The following IFI16 variants were observed in gnomAD, a reference collection of about 807,000 sequenced individuals.
IFI16 encodes interferon gamma inducible protein 16.
A neutral mutation model predicts 68.4 loss-of-function variants in IFI16; 49 were observed. The observed-to-expected ratio is 0.72, with a 90% confidence interval of 0.57 to 0.91. The LOEUF is 0.91. IFI16 is among the 40% of genes least tolerant of loss of function. The pLI is 0.00. For synonymous variants in IFI16, 307 were observed against 315.0 expected (o/e 0.97, Z 0.27); for missense variants, 878 against 942.9 (o/e 0.93, Z 0.90).
At chr1:159,019,658 ACTATGTTAG>A (rs1179197213) in intron 5 of IFI16, among the ~76,000 whole-genome samples, 16 of 150,928 alleles carry the variant, frequency 1.1e-4, no homozygotes, top group African/African-American at 3.7e-4. Flanking sequence ...ACGGGGTTTC[ACTATGTTAG>A]CCAGGATGGT....
chr1:159,006,814 A>G (rs1252952077), upstream of IFI16, among the ~76,000 whole-genome samples: 1 of 152,164 alleles, frequency 6.6e-6, no homozygotes, highest in Non-Finnish European at 1.5e-5. Flanking sequence ...CCTTGGTGCA[A>G]GTGCCAAAAA....
At chr1:159,041,903 C>T (rs1340473079) in intron 7 of IFI16, among the ~76,000 whole-genome samples, 1 of 152,156 alleles carries the variant, frequency 6.6e-6, no homozygotes, top group African/African-American at 2.4e-5. Flanking sequence ...ACTTCAAAGA[C>T]GTAAGTGAAT....
At chr1:159,018,740 C>G in intron 5 of IFI16, 89 bp downstream of exon 5, 1 of 924,562 alleles carries the variant, frequency 1.1e-6, no homozygotes. Flanking sequence ...TGCCTATAAA[C>G]TGGATATTAG....
intron 1 of IFI16, among the ~76,000 whole-genome samples, chr1:159,000,795 G>A (rs1652030598): frequency 6.6e-6 from 1 of 152,146 alleles, no homozygotes; most frequent in African/African-American, 2.4e-5. Context: ...GGGGCTTGAC[G>A]GGAAGTGCTT....
intron 6 of IFI16, among the ~76,000 whole-genome samples, chr1:159,027,004 G>A (rs931027962): frequency 2.0e-5 from 3 of 152,222 alleles, no homozygotes; most frequent in South Asian, 2.1e-4. Flanking sequence ...CCTCTTTGCC[G>A]ATTTGGATTT....
chr1:159,054,940 G>A lies in IFI16; in HGVS notation c.*39G>A, dbSNP rs1028541154. 4 of 1,183,646 alleles carry A rather than the reference G, an allele frequency of 3.4e-6. No individual in the cohort carries two copies. Among genetic ancestry groups the A allele is most frequent in the Admixed American group, 1.8e-5 (1 of 55,392 alleles). The allele number at this position is 1,183,646 out of a possible 1,614,324, so 73.3% of individuals were successfully genotyped here. A position where few individuals can be genotyped will look rare whatever the true frequency, so the allele number is the denominator to read the frequency against. On this transcript the variant is annotated 3_prime_UTR_variant, in exon 12 of 12. Transcript: ENST00000295809. The stretch of plus-strand genomic sequence containing the variant: ...TTGACGATAATGTTTATGGAGATAA[G>A]GTCTAAGTGCCTAAAAAAATGTACA...
intron 7 of IFI16, among the ~76,000 whole-genome samples, chr1:159,042,953 A>G (rs1361513608): frequency 6.6e-6 from 1 of 152,204 alleles, no homozygotes; most frequent in African/African-American, 2.4e-5. Context: ...TGGCAACTTG[A>G]GGGATAGGGA....
upstream of IFI16, among the ~76,000 whole-genome samples, chr1:159,003,897 T>TG (rs1652154673): frequency 6.6e-6 from 1 of 151,908 alleles, no homozygotes; most frequent in South Asian, 2.1e-4. Flanking sequence ...CCTGACCTTG[T>TG]GATCCGCCCG....
chr1:159,031,742 G>T (rs1654014945), intron 6 of IFI16, among the ~76,000 whole-genome samples: 1 of 152,070 alleles, frequency 6.6e-6, no homozygotes, highest in African/African-American at 2.4e-5. Flanking sequence ...GTGCCATTTT[G>T]AATATTCCAC....
At chr1:159,043,211 C>T (rs989226159) in intron 7 of IFI16, among the ~76,000 whole-genome samples, 6 of 152,228 alleles carry the variant, frequency 3.9e-5, no homozygotes, top group Non-Finnish European at 8.8e-5. Context: ...CTGTTGCCAT[C>T]TTGGGACTTA....
At chr1:159,001,518 T>A (rs1652060243), upstream of IFI16, among the ~76,000 whole-genome samples, 2 of 152,316 alleles carry the variant, frequency 1.3e-5, no homozygotes, top group South Asian at 4.1e-4. Flanking sequence ...TATAAAGTAT[T>A]TTAAGGGACA....
At chr1:159,024,975 G>A (rs527794767) in intron 6 of IFI16, among the ~76,000 whole-genome samples, 9 of 151,716 alleles carry the variant, frequency 5.9e-5, no homozygotes, top group Non-Finnish European at 1.0e-4. Context: ...ATAAAATAGG[G>A]TCCTTCCCAG....
chr1:159,048,303 T>C (rs1438768071), intron 8 of IFI16, among the ~76,000 whole-genome samples: 1 of 151,416 alleles, frequency 6.6e-6, no homozygotes, highest in African/African-American at 2.4e-5. Flanking sequence ...AATTTATTCT[T>C]TATAACACCA....
chr1:159,010,534 GA>G (rs1652483649), intron 1 of IFI16, among the ~76,000 whole-genome samples: 1 of 152,176 alleles, frequency 6.6e-6, no homozygotes, highest in East Asian at 1.9e-4. Context: ...ATAGTGACAT[GA>G]AAAAAGTATC....
intron 7 of IFI16, among the ~76,000 whole-genome samples, chr1:159,037,767 C>A (rs1053421630): frequency 6.6e-6 from 1 of 151,996 alleles, no homozygotes; most frequent in African/African-American, 2.4e-5. Context: ...AATAAAGAGG[C>A]TTTTTTGATA....
chr1:159,040,713 A>G (rs1370497770), intron 7 of IFI16, among the ~76,000 whole-genome samples: 1 of 152,222 alleles, frequency 6.6e-6, no homozygotes, highest in African/African-American at 2.4e-5. Flanking sequence ...GCCATTATTA[A>G]CAATGGCAAT....
In IFI16 at chr1:159,051,674, C is replaced by T; in HGVS notation, c.1666-5C>T. On this transcript the variant is annotated splice_region_variant and splice_polypyrimidine_tract_variant and intron_variant, in intron 9 of 11. Transcript: ENST00000295809. Reference sequence around the variant, plus strand: ...GTGCCTATGTTTTGGTCTCTACCTTCTAAGTTGAAACCAAGACTGAAGACT... The same window carrying T: ...GTGCCTATGTTTTGGTCTCTACCTTTTAAGTTGAAACCAAGACTGAAGACT... 1 of 1,604,536 alleles carries T rather than the reference C, an allele frequency of 6.2e-7. No individual in the cohort carries two copies. Among genetic ancestry groups the T allele is most frequent in the Non-Finnish European group, 8.5e-7 (1 of 1,174,106 alleles).
At chr1:159,023,213 C>G (rs1029546537) in intron 6 of IFI16, among the ~76,000 whole-genome samples, 8 of 151,998 alleles carry the variant, frequency 5.3e-5, no homozygotes, top group Non-Finnish European at 8.8e-5. Flanking sequence ...GGCTGTTAAT[C>G]CTTGTAGCAC....
intron 7 of IFI16, among the ~76,000 whole-genome samples, chr1:159,041,804 A>T (rs1654660359): frequency 6.6e-6 from 1 of 152,184 alleles, no homozygotes; most frequent in African/African-American, 2.4e-5. Flanking sequence ...TAGCAGAGGG[A>T]AGAGCCTATA....
Sources: allele counts gnomAD v4.1 joint callset (sites outside exome capture counted in the v4.1 genomes callset), GRCh38; gene constraint gnomAD v4.1.1; transcripts MANE v1.5; gene names NCBI Gene and HGNC (gene_info 2026-07-23, HGNC 2026-07-21).